The following ACER1 variants were observed in gnomAD, a reference collection of about 807,000 sequenced individuals.
The protein encoded by ACER1 is CTB-180A7.3.
Under a neutral mutation model 24.9 loss-of-function variants are expected in ACER1, and 28 were observed. The ratio of observed to expected loss-of-function variants is 1.13; its 90% CI spans 0.83 to 1.54. The LOEUF is 1.54. Among genes scored for constraint, ACER1 ranks in the 40% most tolerant of loss-of-function variants. The probability of loss-of-function intolerance (pLI) is 0.00; values close to 1 mark genes in which losing one functional copy is unlikely to be tolerated. For missense variants in ACER1, 352 were observed against 349.3 expected (o/e 1.01, Z -0.06); for synonymous variants, 132 against 131.4 (o/e 1.00, Z -0.03).
At chr19:6,332,871 G>A (rs879547807) in intron 1 of ACER1, among the ~76,000 whole-genome samples, 4 of 151,980 alleles carry the variant, frequency 2.6e-5, no homozygotes, top group African/African-American at 7.3e-5. Context: ...CTTTCACCAC[G>A]TTGCCCAGGG....
chr19:6,312,522 G>A (rs1170615200), intron 1 of ACER1, 23 bp from the exon 2 acceptor site: 1 of 1,595,788 alleles, frequency 6.3e-7, no homozygotes, highest in Non-Finnish European at 8.6e-7. Context: ...GAGCCATAGG[G>A]AGGAGCTCGT....
chr19:6,347,563 T>C, the ACER1 span, among the ~76,000 whole-genome samples: 23 of 151,852 alleles, frequency 1.5e-4, no homozygotes, highest in African/African-American at 5.6e-4. Flanking sequence ...TGGCCGGGCG[T>C]GGTGGTTCAC....
At chr19:6,358,846 T>C in the ACER1 span, among the ~76,000 whole-genome samples, 1 of 148,842 alleles carries the variant, frequency 6.7e-6, no homozygotes, top group Non-Finnish European at 1.5e-5. Context: ...GGCAGAAGAA[T>C]TGCTTGAACC....
Position 6,312,178 on chromosome 19 carries a change from G to C in ACER1, c.321C>G (p.Cys107Trp). ...TCCCCCCAAGGAAGGAGGGGAAATA[G>C]CAGCGGGGCATCCATATGCTATAGC... ...GSGYSIWMPRCYFPSFLGGNR... is the reference protein window; with the variant it reads ...GSGYSIWMPRWYFPSFLGGNR... Residue 107 changes from cysteine (C) to tryptophan (W), a missense_variant, in exon 3 of 6, where the codon TGC (cysteine) becomes TGG (tryptophan). Transcript: ENST00000301452. 1 of 1,613,854 alleles carries C rather than the reference G, an allele frequency of 6.2e-7. No homozygotes were observed. Among genetic ancestry groups the C allele is most frequent in the Non-Finnish European group, 8.5e-7 (1 of 1,179,796 alleles).
upstream of ACER1, among the ~76,000 whole-genome samples, chr19:6,335,422 A>G (rs1010820493): frequency 2.4e-4 from 37 of 151,562 alleles, no homozygotes; most frequent in African/African-American, 7.7e-4. Context: ...ACGGGGTTTC[A>G]CCATATTGAC....
At chr19:6,308,927 A>G (rs1038333039) in intron 4 of ACER1, among the ~76,000 whole-genome samples, 5 of 152,054 alleles carry the variant, frequency 3.3e-5, no homozygotes, top group Admixed American at 3.3e-4. Context: ...TGCTGGGCAC[A>G]GTGGCTCACG....
chr19:6,307,633 A>G (rs1462787213), intron 4 of ACER1, among the ~76,000 whole-genome samples: 1 of 151,486 alleles, frequency 6.6e-6, no homozygotes, highest in Admixed American at 6.6e-5. Context: ...AAAAAAAAAA[A>G]AGTTAAAATT....
intron 5 of ACER1, 95 bp downstream of exon 5, chr19:6,307,058 C>T (rs2091555903): frequency 1.9e-6 from 3 of 1,557,472 alleles, no homozygotes; most frequent in Admixed American, 1.8e-5. Context: ...CCTCTCTCTG[C>T]TTCTCCAACC....
At chr19:6,338,244 C>T (rs1192989648), upstream of ACER1, among the ~76,000 whole-genome samples, 1 of 152,026 alleles carries the variant, frequency 6.6e-6, no homozygotes, top group Non-Finnish European at 1.5e-5. Flanking sequence ...TTCTCACCTT[C>T]GCCTCCCAAG....
the ACER1 span, among the ~76,000 whole-genome samples, chr19:6,351,559 G>A: frequency 8.1e-4 from 119 of 147,132 alleles, no homozygotes; most frequent in Non-Finnish European, 1.5e-3. Flanking sequence ...AGCAAGACCC[G>A]GCCCTTACCA....
the ACER1 span, among the ~76,000 whole-genome samples, chr19:6,353,627 A>AC: frequency 6.6e-6 from 1 of 151,858 alleles, no homozygotes; most frequent in African/African-American, 2.4e-5. Flanking sequence ...GGAGTTCAAG[A>AC]CCAGCTTGAC....
rs1196521354 is a variant in ACER1, at chr19:6,312,147, A to C, written c.350+2T>G. On this transcript the variant is annotated splice_donor_variant, in intron 3 of 5. Coordinates refer to ENST00000301452, the MANE Select transcript of ACER1 (RefSeq NM_133492.3). LOFTEE classifies it high-confidence loss of function. ...TGTCCAGATGGCCAGCCCCTGACCC[A>C]CCTGTTCCCCCCAAGGAAGGAGGGG... 3 of 1,613,154 alleles carry C rather than the reference A, an allele frequency of 1.9e-6. No individual in the cohort carries two copies. In the African/African-American group the frequency reaches 4.0e-5, roughly 22 times the overall value.
chr19:6,327,782 TA>T (rs995345243), intron 1 of ACER1, among the ~76,000 whole-genome samples: 20 of 147,000 alleles, frequency 1.4e-4, no homozygotes, highest in Admixed American at 2.0e-4. Flanking sequence ...TCAGTGTCAA[TA>T]AAAAAAAAAT....
chr19:6,330,061 C>T (rs1231431190), intron 1 of ACER1, among the ~76,000 whole-genome samples: 3 of 151,350 alleles, frequency 2.0e-5, no homozygotes, highest in Non-Finnish European at 4.4e-5. Flanking sequence ...TTAGCAGAGA[C>T]GGGGTTTCAC....
chr19:6,356,686 CT>C, the ACER1 span, among the ~76,000 whole-genome samples: 1 of 150,522 alleles, frequency 6.6e-6, no homozygotes, highest in African/African-American at 2.5e-5. Flanking sequence ...TTTTTGCAAG[CT>C]TTTGAACATT....
chr19:6,359,650 C>T, the ACER1 span, among the ~76,000 whole-genome samples: 2,688 of 151,710 alleles, frequency 0.018, 83 homozygotes, highest in African/African-American at 0.061. Context: ...AGGACTGCCC[C>T]GGGAAAAAAA....
At chr19:6,350,506 G>A in the ACER1 span, among the ~76,000 whole-genome samples, 2 of 151,900 alleles carry the variant, frequency 1.3e-5, no homozygotes, top group African/African-American at 4.8e-5. Flanking sequence ...GGGAGGCGGA[G>A]GTTGCAGTGA....
At chr19:6,325,590 T>C (rs1333948430) in intron 1 of ACER1, among the ~76,000 whole-genome samples, 1 of 152,116 alleles carries the variant, frequency 6.6e-6, no homozygotes, top group East Asian at 1.9e-4. Flanking sequence ...GAGGCAGAGG[T>C]TGCAGTGAGC....
chr19:6,328,195 A>C (rs1189382410), intron 1 of ACER1, among the ~76,000 whole-genome samples: 2 of 151,962 alleles, frequency 1.3e-5, no homozygotes, highest in African/African-American at 4.8e-5. Context: ...ATGGCCCAGA[A>C]AGCCAAAAAT....
Sources: gnomAD v4.1 joint callset for allele counts (sites outside exome capture counted in the v4.1 genomes callset) on GRCh38, gnomAD v4.1.1 for gene constraint, MANE v1.5 for transcripts, NCBI Gene and HGNC (gene_info 2026-07-23, HGNC 2026-07-21) for gene names.